The following NT5M variants were observed in gnomAD, a reference collection of about 807,000 sequenced individuals.
NT5M encodes 5'(3')-deoxyribonucleotidase, mitochondrial.
Under a neutral mutation model 22.2 loss-of-function variants are expected in NT5M, and 22 were observed. The observed-to-expected ratio is 0.99, with a 90% CI of 0.71 to 1.41. The LOEUF (loss-of-function observed/expected upper bound fraction) is 1.41, where lower values mean the gene tolerates loss of function less well. Ranked by LOEUF, NT5M falls within the 40% of genes most tolerant of loss-of-function variation. NT5M has a pLI of 0.00. For synonymous variants in NT5M, 167 were observed against 133.0 expected, an observed-to-expected ratio of 1.26 and a Z score of -1.76; for missense variants, 322 against 314.8, an observed-to-expected ratio of 1.02 and a Z score of -0.17.
chr17:17,318,821 C>G (rs1387254086), intron 2 of NT5M, among the ~76,000 whole-genome samples: 2 of 144,608 alleles, frequency 1.4e-5, no homozygotes, highest in African/African-American at 5.0e-5. Context: ...GAATGACCTA[C>G]CCATTCATGT....
chr17:17,343,187 G>T (rs914842211), intron 3 of NT5M, among the ~76,000 whole-genome samples: 1 of 152,312 alleles, frequency 6.6e-6, no homozygotes, highest in Middle Eastern at 3.4e-3. Flanking sequence ...AGGCTTAGGA[G>T]GTGGCAGCTT....
intron 3 of NT5M, among the ~76,000 whole-genome samples, chr17:17,343,070 C>T (rs1348167022): frequency 6.6e-6 from 1 of 152,148 alleles, no homozygotes; most frequent in East Asian, 1.9e-4. Context: ...CCAGCCTGCA[C>T]CAGCGATTTA....
At chr17:17,304,698 A>C (rs756238858) in intron 1 of NT5M, among the ~76,000 whole-genome samples, 1 of 152,084 alleles carries the variant, frequency 6.6e-6, no homozygotes, top group Non-Finnish European at 1.5e-5. Flanking sequence ...TGTTTTCCAG[A>C]TGAGGAAACT....
chr17:17,305,130 C>G (rs943861190), intron 1 of NT5M, among the ~76,000 whole-genome samples: 1 of 151,996 alleles, frequency 6.6e-6, no homozygotes, highest in Admixed American at 6.6e-5. Context: ...TATATCCGCC[C>G]GGGAGTGTAT....
At chr17:17,304,503 A>G in intron 1 of NT5M, 1 of 921,396 alleles carries the variant, frequency 1.1e-6, no homozygotes, top group Non-Finnish European at 1.3e-6. Context: ...GTATTTTGCA[A>G]AAGGAACAGG....
intron 3 of NT5M, among the ~76,000 whole-genome samples, chr17:17,328,402 A>G (rs1441845232): frequency 1.3e-5 from 2 of 152,100 alleles, no homozygotes; most frequent in Non-Finnish European, 2.9e-5. Flanking sequence ...TGCGGGTGAG[A>G]AGTGAGTAAG....
intron 2 of NT5M, among the ~76,000 whole-genome samples, chr17:17,312,699 C>G (rs1178783969): frequency 6.6e-6 from 1 of 151,708 alleles, no homozygotes; most frequent in Non-Finnish European, 1.5e-5. Flanking sequence ...TAGCTCATGC[C>G]TGTAATCCCA....
chr17:17,304,031 T>A (rs1465145881), intron 1 of NT5M: 1 of 1,207,468 alleles, frequency 8.3e-7, no homozygotes, highest in Admixed American at 4.2e-5. Context: ...TTTCTGAAAA[T>A]GCGGGAGAGT....
intron 4 of NT5M, 124 bp downstream of exon 4, chr17:17,345,032 G>C: frequency 7.1e-7 from 1 of 1,405,666 alleles, no homozygotes; most frequent in Non-Finnish European, 9.6e-7. Flanking sequence ...GCCAGGCACT[G>C]AGCCCCTCCC....
chr17:17,315,822 C>G (rs996281588), intron 2 of NT5M, among the ~76,000 whole-genome samples: 8 of 145,884 alleles, frequency 5.5e-5, no homozygotes, highest in African/African-American at 2.0e-4. Flanking sequence ...CGGTGTGATC[C>G]CAGCTCACTG....
chr17:17,306,638 A>G lies in NT5M; in HGVS notation c.363A>G (p.Leu121=), dbSNP rs768068885. Residue 121 remains leucine (L), a synonymous_variant, in exon 2 of 5, where the codon CTA becomes CTG. Coordinates refer to ENST00000389022, the MANE Select transcript of NT5M (RefSeq NM_020201.4). ...AVEAVKEMAS[L]QNTDVFICTS... ...AAGCTGTCAAGGAGATGGCCAGCCTACAAAAGTAAGTTTGTCCTCCCAGCC... is the reference window on the plus strand; with the variant it reads ...AAGCTGTCAAGGAGATGGCCAGCCTGCAAAAGTAAGTTTGTCCTCCCAGCC... 6.8e-6 allele frequency: 11 copies of G among 1,612,250 alleles called. No homozygotes were observed. In the Admixed American group the frequency reaches 1.3e-4, roughly 20 times the overall value.
At chr17:17,339,318 G>A (rs2049590943) in intron 3 of NT5M, among the ~76,000 whole-genome samples, 1 of 151,268 alleles carries the variant, frequency 6.6e-6, no homozygotes, top group Non-Finnish European at 1.5e-5. Flanking sequence ...GTTTTTTTCA[G>A]ATTTTGTATC....
intron 3 of NT5M, among the ~76,000 whole-genome samples, chr17:17,338,800 C>T (rs1233934102): frequency 7.0e-6 from 1 of 143,298 alleles, no homozygotes; most frequent in Non-Finnish European, 1.5e-5. Context: ...GATCTCGGCT[C>T]ACTGCAAGCT....
At chr17:17,330,437 G>A (rs1232560875) in intron 3 of NT5M, among the ~76,000 whole-genome samples, 3 of 148,676 alleles carry the variant, frequency 2.0e-5, no homozygotes, top group South Asian at 2.1e-4. Context: ...ATGCAATGGC[G>A]TGATCTCAGC....
intron 2 of NT5M, among the ~76,000 whole-genome samples, chr17:17,319,136 C>G (rs538679183): frequency 6.6e-6 from 1 of 151,544 alleles, no homozygotes; most frequent in East Asian, 1.9e-4. Context: ...ATTGCTTGAA[C>G]CTGTGAGGCA....
chr17:17,341,111 T>C (rs1459935502), intron 3 of NT5M, among the ~76,000 whole-genome samples: 1 of 152,180 alleles, frequency 6.6e-6, no homozygotes, highest in Non-Finnish European at 1.5e-5. Context: ...TGTCTCTGTG[T>C]TTGTATAGTT....
intron 3 of NT5M, among the ~76,000 whole-genome samples, chr17:17,343,106 A>C (rs2049681397): frequency 1.3e-5 from 2 of 152,128 alleles, no homozygotes; most frequent in Non-Finnish European, 2.9e-5. Context: ...GATGCGAAGT[A>C]AGTTATAGAG....
intron 2 of NT5M, among the ~76,000 whole-genome samples, chr17:17,318,498 A>AG (rs2049080844): frequency 6.8e-6 from 1 of 146,864 alleles, no homozygotes; most frequent in South Asian, 2.1e-4. Flanking sequence ...AAAAAAAAAA[A>AG]AAAAAGTCTG....
At chr17:17,346,299 G>A (rs2049757330) in intron 4 of NT5M, among the ~76,000 whole-genome samples, 1 of 152,360 alleles carries the variant, frequency 6.6e-6, no homozygotes, top group Admixed American at 6.5e-5. Flanking sequence ...GGCATCACCA[G>A]CAGCACCAGT....
Sources: gnomAD v4.1 joint callset for allele counts (sites outside exome capture counted in the v4.1 genomes callset) on GRCh38, gnomAD v4.1.1 for gene constraint, MANE v1.5 for transcripts, NCBI Gene and HGNC (gene_info 2026-07-23, HGNC 2026-07-21) for gene names.